The following WDTC1 variants were observed in gnomAD, a reference collection of about 807,000 sequenced individuals.
The protein encoded by WDTC1 is WD and tetratricopeptide repeats 1, also known as WD and tetratricopeptide repeats protein 1.
Under a neutral mutation model 76.0 loss-of-function variants are expected in WDTC1, and 12 were observed. The ratio of observed to expected loss-of-function variants is 0.16; its 90% CI spans 0.10 to 0.26. The LOEUF (loss-of-function observed/expected upper bound fraction) is 0.26, where lower values mean the gene tolerates loss of function less well. WDTC1 is among the 10% of genes least tolerant of loss of function. The pLI, the probability that WDTC1 is intolerant of heterozygous loss-of-function variation, is 1.00. For missense variants in WDTC1, 511 were observed against 908.8 expected, an observed-to-expected ratio of 0.56 and a Z score of 5.63; for synonymous variants, 326 against 350.8, an observed-to-expected ratio of 0.93 and a Z score of 0.79.
chr1:27,303,827 AGTTGGCAGCGG>A lies in WDTC1; in HGVS notation c.1643+34_1643+44del. On this transcript the variant is annotated intron_variant, in intron 14 of 15. Coordinates refer to ENST00000319394, the MANE Select transcript of WDTC1 (RefSeq NM_001276252.2). The surrounding 1 kb of genome is among the most constrained non-coding windows in gnomAD (Gnocchi z 4.8). ...GGCCCTGAAGAGGAGGGTGCAGCCC[AGTTGGCAGCGG>A]GAGGTTGAGTGGGGAGTGTTGGGGC... 6.2e-7 allele frequency: 1 copy of A among 1,608,238 alleles called. No homozygotes were observed. The highest frequency in any genetic ancestry group is 8.5e-7 in the Non-Finnish European group (1 of 1,178,050).
At position 27,304,812 on chromosome 1, in the gene WDTC1, T is replaced by G. The variant is rs2013913179; in HGVS notation, c.1644-189T>G. ...GAGAAATCCAGGTAGTCGCTGGCCCTAGGTTTAAGAGAACAGTGACCAGGG... is the reference window on the plus strand; with the variant it reads ...GAGAAATCCAGGTAGTCGCTGGCCCGAGGTTTAAGAGAACAGTGACCAGGG... On this transcript the variant is annotated intron_variant, in intron 14 of 15. Transcript: ENST00000319394. The G allele has an allele frequency of 5.4e-6, 3 of 554,848 alleles. No homozygotes were observed. In the Admixed American group the frequency reaches 9.8e-5, roughly 18 times the overall value. 34.4% of individuals were successfully genotyped at this position (554,848 alleles called of 1,614,324 possible).
At chr1:27,290,983 A>G (rs551385386) in intron 6 of WDTC1, among the ~76,000 whole-genome samples, 1 of 152,286 alleles carries the variant, frequency 6.6e-6, no homozygotes, top group South Asian at 2.1e-4. Flanking sequence ...TCTGTGTAGC[A>G]CTTTTTGACC....
intron 11 of WDTC1, 67 bp from the exon 12 acceptor site, chr1:27,297,871 A>G (rs2013733923): frequency 6.7e-7 from 1 of 1,487,364 alleles, no homozygotes; most frequent in Admixed American, 2.2e-5. Context: ...AGGCCATGTT[A>G]CAGACTCCCT....
chr1:27,281,439 CAA>C (rs891009695), intron 3 of WDTC1, among the ~76,000 whole-genome samples: 21 of 61,238 alleles, frequency 3.4e-4, no homozygotes, highest in Non-Finnish European at 4.0e-4. Context: ...GACTCTGTCT[CAA>C]AAAAAAAAAA....
At chr1:27,264,865 C>T (rs910480220) in intron 3 of WDTC1, among the ~76,000 whole-genome samples, 8 of 151,694 alleles carry the variant, frequency 5.3e-5, no homozygotes, top group South Asian at 2.1e-4. Flanking sequence ...TGCAGTGGTG[C>T]CATCATGGCT....
Position 27,303,143 on chromosome 1 carries a change from C to T in WDTC1, c.1469-478C>T, listed in dbSNP as rs1418636497. Among the ~76,000 whole-genome samples, 4 of 151,730 alleles carry T rather than the reference C, an allele frequency of 2.6e-5. No homozygotes were observed. Among genetic ancestry groups the T allele is most frequent in the African/African-American group, 7.3e-5 (3 of 41,266 alleles). On this transcript the variant is annotated intron_variant, in intron 13 of 15. Transcript: ENST00000319394. This position sits in a 1 kb window ranked among gnomAD's most constrained non-coding sequence, Gnocchi z 4.8. ...CAAAAATTAGCTGGGCGTGGTGGCA[C>T]GTGCCTGGTAGTCCCAGTTACTCAG...
chr1:27,289,476 G>T (rs1262923201), intron 6 of WDTC1, among the ~76,000 whole-genome samples: 1 of 151,504 alleles, frequency 6.6e-6, no homozygotes, highest in African/African-American at 2.4e-5. Flanking sequence ...TGGCGGCCGG[G>T]CAGAGACGCT....
At chr1:27,302,744 C>A (rs2013863747) in intron 13 of WDTC1, among the ~76,000 whole-genome samples, 1 of 151,492 alleles carries the variant, frequency 6.6e-6, no homozygotes, top group African/African-American at 2.4e-5. Context: ...CTGTCTCAAA[C>A]AACAACAACA....
chr1:27,271,198 G>T (rs2012859341), intron 3 of WDTC1, among the ~76,000 whole-genome samples: 1 of 152,086 alleles, frequency 6.6e-6, no homozygotes, highest in African/African-American at 2.4e-5. Context: ...GGACCTTTTT[G>T]TAGTTTTTAC....
rs1447598491 is a variant in WDTC1, at chr1:27,274,119, A to G, written c.133-8120A>G. Among the ~76,000 whole-genome samples, 1 of 151,854 alleles carries G rather than the reference A, an allele frequency of 6.6e-6. No individual in the cohort carries two copies. Among genetic ancestry groups the G allele is most frequent in the Non-Finnish European group, 1.5e-5 (1 of 67,940 alleles). ...AGCCTGGGCAACATAACAGGACCTC[A>G]TCTCTACAAAAAAATACAAAAATTA... is the stretch of plus-strand genomic sequence containing the variant. On this transcript the variant is annotated intron_variant, in intron 3 of 15. Coordinates refer to ENST00000319394, the MANE Select transcript of WDTC1 (RefSeq NM_001276252.2). The surrounding 1 kb of genome is among the most constrained non-coding windows in gnomAD (Gnocchi z 4.2).
chr1:27,247,625 G>A (rs768243799), intron 1 of WDTC1, among the ~76,000 whole-genome samples: 37 of 151,980 alleles, frequency 2.4e-4, no homozygotes, highest in Middle Eastern at 6.8e-3. Context: ...AATGGCCTCC[G>A]GCTCCATTCA....
Position 27,305,031 on chromosome 1 carries a change from C to G in WDTC1, c.1674C>G (p.Asp558Glu), listed in dbSNP as rs371207058. The change falls in exon 15 of 16, where the codon GAC (aspartate) becomes GAG (glutamate). Residue 558 changes from aspartate (D) to glutamate (E), a missense_variant. Asp to Glu is a conservative substitution (Grantham distance 45). Transcript: ENST00000319394. The surrounding 1 kb of genome is among the most constrained non-coding windows in gnomAD (Gnocchi z 4.6). ...CTCAGTATATCGTCAGTGGCTCTGA[C>G]GATGGCTCCTTCTTCATCTGGGAAA... Reference protein sequence around the residue: ...SNAQYIVSGSDDGSFFIWEKE... With the variant: ...SNAQYIVSGSEDGSFFIWEKE... The G allele has an allele frequency of 6.2e-7, 1 of 1,613,954 alleles. No individual in the cohort carries two copies.
rs2012021401 is a variant in WDTC1, at chr1:27,250,746, A to G, written c.-99-10210A>G. ...ACCATTCAATTCTTGGTTCTAGATG[A>G]GTGATCTTCACAAATGTACTTTGTT... On this transcript the variant is annotated intron_variant, in intron 1 of 15. Transcript: ENST00000319394. Among the ~76,000 whole-genome samples, 4 of 152,082 alleles carry G rather than the reference A, an allele frequency of 2.6e-5. No individual in the cohort carries two copies. The South Asian group carries it at 8.3e-4, about 31-fold the overall frequency.
At position 27,301,206 on chromosome 1, in the gene WDTC1, G is replaced by A. The variant is rs373011636; in HGVS notation, c.1233-20G>A. ...TGCCACGTGGCTCCACCTCCAAGCC[G>A]CTCTTCCCTGCCTTCCCAGGGATGG... is the stretch of plus-strand genomic sequence containing the variant. On this transcript the variant is annotated intron_variant, in intron 12 of 15. Transcript: ENST00000319394. This position sits in a 1 kb window ranked among gnomAD's most constrained non-coding sequence, Gnocchi z 5.8. 26 of 1,609,408 alleles carry A rather than the reference G, an allele frequency of 1.6e-5. No homozygotes were observed. The highest frequency in any genetic ancestry group is 2.7e-5 in the African/African-American group (2 of 74,822).
intron 3 of WDTC1, among the ~76,000 whole-genome samples, chr1:27,269,620 G>GTT (rs1458595103): frequency 3.3e-3 from 64 of 19,430 alleles, no homozygotes; most frequent in Non-Finnish European, 6.5e-3. Context: ...TTTTTTTTTC[G>GTT]GTTTTTTTTT....
intron 3 of WDTC1, among the ~76,000 whole-genome samples, chr1:27,281,493 A>G (rs1244107286): frequency 2.0e-5 from 3 of 151,860 alleles, no homozygotes; most frequent in Admixed American, 1.3e-4. Flanking sequence ...CTTCTAGTTA[A>G]TTGGCTGTCC....
At chr1:27,288,118 C>T (rs2013396862) in intron 6 of WDTC1, among the ~76,000 whole-genome samples, 1 of 152,166 alleles carries the variant, frequency 6.6e-6, no homozygotes, top group Non-Finnish European at 1.5e-5. Context: ...AGGGTCTCTA[C>T]TGCCTCTGGG....
chr1:27,305,078 G>A lies in WDTC1; in HGVS notation c.1721G>A (p.Arg574His), dbSNP rs1303659418. The change falls in exon 15 of 16, where the codon CGT (arginine) becomes CAT (histidine). Residue 574 changes from arginine to histidine, a missense_variant. Arg to His is a conservative substitution (Grantham distance 29, BLOSUM62 0). Coordinates refer to ENST00000319394, the MANE Select transcript of WDTC1 (RefSeq NM_001276252.2). The surrounding 1 kb of genome is among the most constrained non-coding windows in gnomAD (Gnocchi z 4.6). ...GAAAAGGAGACCACCAACCTGGTCCGTGTGCTCCAAGGGGATGAGTCCATT... is the reference window on the plus strand; with the variant it reads ...GAAAAGGAGACCACCAACCTGGTCCATGTGCTCCAAGGGGATGAGTCCATT... ...IWEKETTNLV[R>H]VLQGDESIVN... is the part of the protein sequence containing the mutation. 3.1e-6 allele frequency: 5 copies of A among 1,613,912 alleles called. No individual in the cohort carries two copies. The highest frequency in any genetic ancestry group is 4.2e-6 in the Non-Finnish European group (5 of 1,179,984).
chr1:27,269,808 C>T (rs1225109578), intron 3 of WDTC1, among the ~76,000 whole-genome samples: 3 of 151,842 alleles, frequency 2.0e-5, no homozygotes, highest in African/African-American at 7.2e-5. Flanking sequence ...GACGACGTTT[C>T]ACCATATTGG....
Sources: gnomAD v4.1 joint callset for allele counts (sites outside exome capture counted in the v4.1 genomes callset) on GRCh38, gnomAD v4.1.1 for gene constraint, Gnocchi (gnomAD v3.1) non-coding constraint, MANE v1.5 for transcripts, NCBI Gene and HGNC (gene_info 2026-07-23, HGNC 2026-07-21) for gene names.